The following SORCS1 variants were observed in gnomAD, a reference collection of about 807,000 sequenced individuals.
The protein encoded by SORCS1 is VPS10 domain-containing receptor SorCS1.
A neutral mutation model predicts 146.1 loss-of-function variants in SORCS1; 60 were observed. The observed-to-expected ratio is 0.41, with a 90% CI of 0.33 to 0.51. SORCS1 has a LOEUF of 0.51. SORCS1 is among the 20% of genes least tolerant of loss of function. The pLI, the probability that SORCS1 is intolerant of heterozygous loss-of-function variation, is 0.21. For missense variants in SORCS1, 1,352 were observed against 1,487.6 expected (o/e 0.91, Z 1.50); for synonymous variants, 637 against 584.0 (o/e 1.09, Z -1.31).
chr10:106,697,363 G>T (rs1405263458), intron 9 of SORCS1, among the ~76,000 whole-genome samples: 1 of 151,934 alleles, frequency 6.6e-6, no homozygotes, highest in Non-Finnish European at 1.5e-5. Context: ...GGCTGAGGAA[G>T]GAGAATAGCT....
chr10:106,998,378 T>C (rs903350764), intron 1 of SORCS1, among the ~76,000 whole-genome samples: 1 of 152,250 alleles, frequency 6.6e-6, no homozygotes, highest in African/African-American at 2.4e-5. Flanking sequence ...TCCCAACCTC[T>C]GGCTTCTTTC....
At chr10:106,664,729 A>G (rs1850998592) in intron 17 of SORCS1, among the ~76,000 whole-genome samples, 1 of 152,152 alleles carries the variant, frequency 6.6e-6, no homozygotes, top group Non-Finnish European at 1.5e-5. Flanking sequence ...ATTGAGTAGC[A>G]TCTGGAACAA....
rs139297932 is a variant in SORCS1 at position 106,629,221 on chromosome 10, G to A, written c.2643C>T (p.Val881=). The A allele has an allele frequency of 6.7e-4, 1,085 of 1,613,884 alleles. 10 individuals are homozygous for A. The highest frequency in any genetic ancestry group is 2.1e-3 in the Middle Eastern group (13 of 6,062). ...ACATACAAGTTACATGTAAGTACAG[G>A]ACGGCGCTGTCAGAACCCAGACTGT... is the stretch of plus-strand genomic sequence containing the variant. ...VDNSLGSDSA[V]LYLHVTCPLE... Residue 881 remains valine, a synonymous_variant, in exon 19 of 26, where the codon GTC becomes GTT. Transcript: ENST00000263054.
At chr10:107,156,401 C>T (rs1355254047) in intron 1 of SORCS1, among the ~76,000 whole-genome samples, 4 of 152,100 alleles carry the variant, frequency 2.6e-5, no homozygotes, top group African/African-American at 9.7e-5. Flanking sequence ...ATAAAGGTGT[C>T]GTGATAATCA....
rs558464220 is a variant in SORCS1, at chr10:106,865,354, C to T, written c.627-35681G>A. On this transcript the variant is annotated intron_variant, in intron 2 of 25. Coordinates refer to ENST00000263054, the MANE Select transcript of SORCS1 (RefSeq NM_052918.5). ...TTTGCAGCCTTCGCTGTTGATCCCT[C>T]CAGGTACTGGAAAACCCAAGTTGAC... 6.6e-5 allele frequency among the ~76,000 whole-genome samples: 10 copies of T among 152,294 alleles called. No individual in the cohort carries two copies. The South Asian group carries it at 1.9e-3, about 28-fold the overall frequency.
chr10:106,605,912 T>A (rs151146870), intron 23 of SORCS1, among the ~76,000 whole-genome samples: 1 of 152,122 alleles, frequency 6.6e-6, no homozygotes, highest in African/African-American at 2.4e-5. Flanking sequence ...AAGACTATTA[T>A]AGAAGTTTCT....
chr10:107,014,153 G>A (rs1957794717), intron 1 of SORCS1, among the ~76,000 whole-genome samples: 1 of 151,872 alleles, frequency 6.6e-6, no homozygotes, highest in African/African-American at 2.4e-5. Context: ...TTGGGTGGCT[G>A]AGGCAGGAGA....
At chr10:106,793,993 G>A (rs954349348) in intron 3 of SORCS1, among the ~76,000 whole-genome samples, 1 of 152,162 alleles carries the variant, frequency 6.6e-6, no homozygotes, top group Non-Finnish European at 1.5e-5. Flanking sequence ...GAAACCATCA[G>A]GCTACAAAGA....
At chr10:106,797,232 G>C (rs1040997920) in intron 3 of SORCS1, among the ~76,000 whole-genome samples, 1 of 152,108 alleles carries the variant, frequency 6.6e-6, no homozygotes, top group African/African-American at 2.4e-5. Flanking sequence ...GAAAAACACT[G>C]TCATTTTGCT....
At chr10:106,873,782 C>T (rs533239031) in intron 2 of SORCS1, among the ~76,000 whole-genome samples, 4 of 152,324 alleles carry the variant, frequency 2.6e-5, no homozygotes, top group East Asian at 1.9e-4. Flanking sequence ...TCCTTCACCT[C>T]GAGGCCTTTG....
At chr10:107,126,722 T>C (rs113823175) in intron 1 of SORCS1, among the ~76,000 whole-genome samples, 99 of 152,212 alleles carry the variant, frequency 6.5e-4, no homozygotes, top group African/African-American at 2.2e-3. Flanking sequence ...TTTTGATGGA[T>C]GTGGATTTTA....
chr10:106,632,775 T>A (rs1848511495), intron 18 of SORCS1, among the ~76,000 whole-genome samples: 1 of 152,112 alleles, frequency 6.6e-6, no homozygotes, highest in South Asian at 2.1e-4. Context: ...GAAAGGTACA[T>A]GGAGTTGTAA....
intron 1 of SORCS1, among the ~76,000 whole-genome samples, chr10:107,154,565 T>C (rs535985339): frequency 6.6e-6 from 1 of 152,044 alleles, no homozygotes; most frequent in South Asian, 2.1e-4. Context: ...AAATTGGAAA[T>C]ATTTAGTAAG....
At chr10:106,691,337 T>C (rs1423561841) in intron 9 of SORCS1, among the ~76,000 whole-genome samples, 1 of 152,212 alleles carries the variant, frequency 6.6e-6, no homozygotes, top group East Asian at 1.9e-4. Flanking sequence ...AAAAGAATTG[T>C]TGCCTTTAAT....
chr10:106,659,001 C>T (rs927067185), intron 17 of SORCS1, among the ~76,000 whole-genome samples: 6 of 152,130 alleles, frequency 3.9e-5, no homozygotes, highest in Non-Finnish European at 5.9e-5. Context: ...CACAGGCAGC[C>T]CCAAAATGGT....
At chr10:106,786,215 C>T (rs953159297) in intron 3 of SORCS1, among the ~76,000 whole-genome samples, 4 of 152,082 alleles carry the variant, frequency 2.6e-5, no homozygotes, top group African/African-American at 4.8e-5. Context: ...TTCAAACAAG[C>T]ATTTTGTTTT....
In SORCS1 at chr10:107,094,722, T is replaced by C. The variant is rs532232795; in HGVS notation, c.558+69247A>G. On this transcript the variant is annotated intron_variant, in intron 1 of 25. Coordinates refer to ENST00000263054, the MANE Select transcript of SORCS1 (RefSeq NM_052918.5). ...GTAATATCAGAGAGGACACTATGCATTGAGTAGGGAATGATAAAGATATAG... is the reference window on the plus strand; with the variant it reads ...GTAATATCAGAGAGGACACTATGCACTGAGTAGGGAATGATAAAGATATAG... 7.9e-5 allele frequency among the ~76,000 whole-genome samples: 12 copies of C among 152,220 alleles called. No homozygotes were observed. The South Asian group carries it at 1.9e-3, about 24-fold the overall frequency.
chr10:106,982,521 A>C (rs1460058595), intron 1 of SORCS1, among the ~76,000 whole-genome samples: 2 of 152,124 alleles, frequency 1.3e-5, no homozygotes, highest in Non-Finnish European at 2.9e-5. Flanking sequence ...TTTAAGGGGG[A>C]GTAGGGGGCA....
chr10:106,637,210 G>T (rs1848780438), intron 18 of SORCS1, among the ~76,000 whole-genome samples: 1 of 152,196 alleles, frequency 6.6e-6, no homozygotes, highest in South Asian at 2.1e-4. Context: ...AGGATAAAAG[G>T]CAGCTGCACA....
Sources: gnomAD v4.1 joint callset for allele counts (sites outside exome capture counted in the v4.1 genomes callset) on GRCh38, gnomAD v4.1.1 for gene constraint, MANE v1.5 for transcripts, NCBI Gene and HGNC (gene_info 2026-07-23, HGNC 2026-07-21) for gene names.